Variants in DIS3L observed in about 807,000 individuals in gnomAD.
The protein encoded by DIS3L is DIS3 like exosome 3'-5' exoribonuclease.
In DIS3L, 100 loss-of-function variants were observed where a neutral mutation model predicts 120.3. The observed-to-expected ratio is 0.83, with a 90% CI of 0.71 to 0.98. The LOEUF is 0.98. Among genes scored for constraint, DIS3L ranks in the 50% least tolerant of loss-of-function variants. The pLI is 0.00. For synonymous variants in DIS3L, 426 were observed against 470.6 expected (o/e 0.91, Z 1.23); for missense variants, 1,196 against 1,314.2 (o/e 0.91, Z 1.39).
intron 2 of DIS3L, among the ~76,000 whole-genome samples, chr15:66,295,893 T>C (rs1283505942): frequency 1.3e-5 from 2 of 152,256 alleles, no homozygotes; most frequent in Non-Finnish European, 2.9e-5. Context: ...TATGCATTTA[T>C]TCTTTTTTAA....
At chr15:66,316,509 C>A (rs549317566) in intron 7 of DIS3L, among the ~76,000 whole-genome samples, 30 of 152,232 alleles carry the variant, frequency 2.0e-4, no homozygotes, top group African/African-American at 6.7e-4. Flanking sequence ...CTCAAAGACA[C>A]AATGATCCTT....
intron 15 of DIS3L, 67 bp from the exon 16 acceptor site, chr15:66,332,669 A>G (rs1467175603): frequency 2.1e-5 from 29 of 1,394,122 alleles, no homozygotes; most frequent in Admixed American, 1.6e-4. Context: ...AGTATTCTAG[A>G]TAAGCATACA....
intron 4 of DIS3L, among the ~76,000 whole-genome samples, chr15:66,309,734 C>CGG (rs1434930049): frequency 2.6e-5 from 4 of 152,158 alleles, no homozygotes; most frequent in African/African-American, 9.7e-5. Context: ...TACTGCCTTC[C>CGG]AAGTTATTTT....
At position 66,331,996 on chromosome 15, in the gene DIS3L, A is replaced by G. The variant is rs997708578; in HGVS notation, c.2657A>G (p.Asn886Ser). 4 of 1,611,452 alleles carry G rather than the reference A, an allele frequency of 2.5e-6. No homozygotes were observed. The African/African-American group carries it at 4.0e-5, about 16-fold the overall frequency. The change falls in exon 15 of 17, where the codon AAT becomes AGT. Residue 886 changes from asparagine to serine, a missense_variant. Physicochemically the swap from Asn to Ser is conservative, Grantham distance 46. Transcript: ENST00000319212. ...SDGVIYSIRT[N>S]GVLLFIPRFG... ...GGAGTTATTTATTCAATTAGAACAAATGGTGTGCTTCTATTTATACCAAGG... is the reference window on the plus strand; with the variant it reads ...GGAGTTATTTATTCAATTAGAACAAGTGGTGTGCTTCTATTTATACCAAGG...
intron 14 of DIS3L, chr15:66,330,549 A>G (rs2092989442): frequency 1.0e-6 from 1 of 984,850 alleles, no homozygotes; most frequent in East Asian, 1.1e-4. Context: ...ATGTTGTAGC[A>G]CTAGCCATGT....
At chr15:66,314,832 T>A (rs962503600) in intron 6 of DIS3L, 1 of 476,372 alleles carries the variant, frequency 2.1e-6, no homozygotes, top group Admixed American at 3.4e-5. Context: ...GTGGCACTTA[T>A]GAAATCTCAA....
chr15:66,326,144 G>A lies in DIS3L; in HGVS notation c.1981G>A (p.Asp661Asn). The A allele has an allele frequency of 1.9e-6, 3 of 1,614,202 alleles. No homozygotes were observed. Among genetic ancestry groups the A allele is most frequent in the Non-Finnish European group, 2.5e-6 (3 of 1,180,032 alleles). The stretch of plus-strand genomic sequence containing the variant: ...AGGGGTAGAGGTTTGCGTACAGCTA[G>A]ATGACAAAAAGAACATTCACGACCT... The part of the protein sequence containing the change: ...LEGVEVCVQL[D>N]DKKNIHDLIP... The change falls in exon 12 of 17, where the codon GAT becomes AAT. Residue 661 changes from aspartate to asparagine, a missense_variant. Asp to Asn is a conservative substitution (Grantham distance 23). Coordinates refer to ENST00000319212, the MANE Select transcript of DIS3L (RefSeq NM_001143688.3).
chr15:66,298,683 C>T (rs940049557), intron 2 of DIS3L, among the ~76,000 whole-genome samples: 2 of 152,144 alleles, frequency 1.3e-5, no homozygotes, highest in Non-Finnish European at 2.9e-5. Flanking sequence ...GGTCTTAAGT[C>T]GTTCAGGATA....
chr15:66,318,505 T>C lies in DIS3L; in HGVS notation c.1051T>C (p.Ser351Pro), dbSNP rs770672235. 6.2e-7 allele frequency: 1 copy of C among 1,614,012 alleles called. No individual in the cohort carries two copies. Among genetic ancestry groups the C allele is most frequent in the Non-Finnish European group, 8.5e-7 (1 of 1,180,010 alleles). ...GCGGGATTATGTGGTGACATTTCCG[T>C]CCAAAGAAGAGGTCCAATCTCAGGG... ...NWRDYVVTFP[S>P]KEEVQSQGKN... The change falls in exon 8 of 17, where the codon TCC (serine) becomes CCC (proline). Residue 351 changes from serine (S) to proline (P), a missense_variant. Ser to Pro is a moderately conservative substitution (Grantham distance 74, BLOSUM62 -1). Transcript: ENST00000319212.
Position 66,320,709 on chromosome 15 carries a change from G to C in DIS3L, c.1303G>C (p.Val435Leu), listed in dbSNP as rs1278343514. ...CATCCTGGTGGAAAACAGTATTTCA[G>C]TTATTCCTTTCTCAGAAGCTCAGGT... ...ATILVENSIS[V>L]IPFSEAQMCE... Residue 435 changes from valine (V) to leucine (L), a missense_variant, in exon 9 of 17, where the codon GTT (valine) becomes CTT (leucine). By Grantham distance (32) the Val-to-Leu change is conservative. Coordinates refer to ENST00000319212, the MANE Select transcript of DIS3L (RefSeq NM_001143688.3). The C allele has an allele frequency of 6.2e-7, 1 of 1,613,736 alleles. No individual in the cohort carries two copies. The highest frequency in any genetic ancestry group is 1.7e-5 in the Admixed American group (1 of 59,938).
chr15:66,293,409 G>C, upstream of DIS3L: 1 of 1,131,762 alleles, frequency 8.8e-7, no homozygotes. Flanking sequence ...AGGCCACTGA[G>C]GGAAGGGAAG....
intron 10 of DIS3L, 113 bp from the exon 11 acceptor site, chr15:66,323,380 C>T (rs551397651): frequency 8.0e-6 from 8 of 997,976 alleles, no homozygotes; most frequent in East Asian, 2.4e-5. Context: ...ACAGCAACAG[C>T]CTTGGGGAAT....
chr15:66,293,509 C>T, upstream of DIS3L: 1 of 1,252,188 alleles, frequency 8.0e-7, no homozygotes, highest in Non-Finnish European at 1.0e-6. Context: ...TCCGGAGCCG[C>T]GGCGCCTAGG....
At position 66,323,570 on chromosome 15, in the gene DIS3L, T is replaced by C; in HGVS notation, c.1652T>C (p.Leu551Pro). Residue 551 changes from leucine to proline, a missense_variant, in exon 11 of 17, where the codon CTG becomes CCG. By Grantham distance (98) the Leu-to-Pro change is moderately conservative. Transcript: ENST00000319212. The part of the protein sequence containing the change: ...SVLSADLCSL[L>P]GGVDRYAVSI... ...CTCAGTGCAGATTTGTGTTCCCTTC[T>C]GGGAGGCGTTGATAGGTGAGTTTAT... 1 of 1,614,270 alleles carries C rather than the reference T, an allele frequency of 6.2e-7. No homozygotes were observed. The highest frequency in any genetic ancestry group is 8.5e-7 in the Non-Finnish European group (1 of 1,180,046).
At chr15:66,332,498 G>GTGTGTGTGTGTATACACACATATATA (rs2093010669) in intron 15 of DIS3L, among the ~76,000 whole-genome samples, 2 of 132,782 alleles carry the variant, frequency 1.5e-5, no homozygotes, top group South Asian at 5.2e-4. Flanking sequence ...GTGTGTGTGT[G>GTGTGTGTGTGTATACACACATATATA]TGTGTGTGTG....
Position 66,333,404 on chromosome 15 carries a change from C to G in DIS3L, c.*92C>G. 7.5e-7 allele frequency: 1 copy of G among 1,341,370 alleles called. No homozygotes were observed. Among genetic ancestry groups the G allele is most frequent in the South Asian group, 1.4e-5 (1 of 69,884 alleles). 83.1% of individuals were successfully genotyped at this position (1,341,370 alleles called of 1,614,324 possible). ...AATGTGTGTCACTCAGTGCTCTAGT[C>G]GATCAGGACTGGGTAGCTATTTCGC... is the stretch of plus-strand genomic sequence containing the variant. On this transcript the variant is annotated 3_prime_UTR_variant, in exon 17 of 17. Transcript: ENST00000319212.
intron 2 of DIS3L, among the ~76,000 whole-genome samples, chr15:66,302,086 C>T (rs1159226318): frequency 1.3e-5 from 2 of 152,004 alleles, no homozygotes; most frequent in African/African-American, 4.8e-5. Flanking sequence ...TTCAAGAATC[C>T]CTGGGTCTGC....
Position 66,315,099 on chromosome 15 carries a change from T to TG in DIS3L, c.880dup (p.Val294GlyfsTer8). 6.2e-7 allele frequency: 1 copy of TG among 1,614,038 alleles called. No individual in the cohort carries two copies. Among genetic ancestry groups the TG allele is most frequent in the South Asian group, 1.1e-5 (1 of 91,076 alleles). On this transcript the variant is annotated frameshift_variant, in exon 7 of 17. Transcript: ENST00000319212. LOFTEE classifies it high-confidence loss of function. ...CGAAACCGCTCAATTCATGGAGATGTGGTAGTTGTGGAGCTGCTTCCTAAA... is the reference window on the plus strand; with the variant it reads ...CGAAACCGCTCAATTCATGGAGATGTGGGTAGTTGTGGAGCTGCTTCCTAAA...
intron 14 of DIS3L, 147 bp downstream of exon 14, chr15:66,329,546 G>C (rs904749384): frequency 1.6e-5 from 21 of 1,332,994 alleles, no homozygotes; most frequent in Admixed American, 3.5e-5. Context: ...ATTTGTAGAT[G>C]TTCTCAGGTA....
Sources: gnomAD v4.1 joint callset for allele counts (sites outside exome capture counted in the v4.1 genomes callset) on GRCh38, gnomAD v4.1.1 for gene constraint, MANE v1.5 for transcripts, NCBI Gene and HGNC (gene_info 2026-07-23, HGNC 2026-07-21) for gene names.